GRK1: variants seen among roughly 807,000 people sequenced by gnomAD.
GRK1 encodes rhodopsin kinase GRK1.
GRK1 carries 28 observed loss-of-function variants against 41.7 expected under a neutral mutation model. That is an observed-to-expected ratio of 0.67 (90% CI 0.50 to 0.92). The LOEUF (loss-of-function observed/expected upper bound fraction) is 0.92. GRK1 is among the 40% of genes least tolerant of loss of function. The probability of loss-of-function intolerance (pLI) is 0.00; values close to 1 mark genes in which losing one functional copy is unlikely to be tolerated. For missense variants in GRK1, 703 were observed against 671.2 expected (o/e 1.05, Z -0.52); for synonymous variants, 327 against 286.7 (o/e 1.14, Z -1.42).
chr13:113,733,832 CACGT>C (rs2049969824), intron 6 of GRK1, among the ~76,000 whole-genome samples: 1 of 105,560 alleles, frequency 9.5e-6, no homozygotes, highest in African/African-American at 4.1e-5. Flanking sequence ...CGTGTGTGTG[CACGT>C]GCGTGTGCAT....
chr13:113,727,979 GAGGAGTACCCATGGCGAT>G, intron 4 of GRK1, among the ~76,000 whole-genome samples: 1 of 98,092 alleles, frequency 1.0e-5, no homozygotes, highest in East Asian at 2.9e-4. Flanking sequence ...CCATGGCGAT[GAGGAGTACCCATGGCGAT>G]GAGTACCCAT....
At chr13:113,733,956 A>G (rs1033807652) in intron 6 of GRK1, among the ~76,000 whole-genome samples, 6 of 111,458 alleles carry the variant, frequency 5.4e-5, no homozygotes, top group African/African-American at 1.8e-4. Context: ...GTGTGTGTGC[A>G]TACGTGTGTG....
At chr13:113,654,741 G>T in the GRK1 span, 1 of 1,538,864 alleles carries the variant, frequency 6.5e-7, no homozygotes. Flanking sequence ...CGGGTCCCCC[G>T]GGCGTCTCCA....
upstream of GRK1, among the ~76,000 whole-genome samples, chr13:113,663,684 T>C (rs2049801878): frequency 6.6e-6 from 1 of 152,156 alleles, no homozygotes; most frequent in Non-Finnish European, 1.5e-5. Context: ...CACGCACAGA[T>C]GGCAATGCAC....
At chr13:113,654,186 G>A in the GRK1 span, among the ~76,000 whole-genome samples, 1 of 152,256 alleles carries the variant, frequency 6.6e-6, no homozygotes, top group African/African-American at 2.4e-5. Context: ...TTGAGGCTAG[G>A]TGTTGCTGTT....
At chr13:113,651,601 G>A in the GRK1 span, 5 of 1,467,834 alleles carry the variant, frequency 3.4e-6, no homozygotes, top group Middle Eastern at 1.8e-4. Context: ...GCCGTGCCCA[G>A]CATGAACCAG....
At position 113,667,876 on chromosome 13, in the gene GRK1, G is replaced by GAGT. The variant is rs1566693206; in HGVS notation, c.492_494dup (p.Glu164_Tyr165insTer). ...ACACCTGGGCCAAGCCCCCTTCCAG[G>GAGT]AGTACCTGGGCAGCCTGTACTTCCT... On this transcript the variant is annotated stop_gained and inframe_insertion, in exon 1 of 7. Transcript: ENST00000335678. LOFTEE classifies it high-confidence loss of function. The surrounding 1 kb of genome is among the most constrained non-coding windows in gnomAD (Gnocchi z 7.5). The GAGT allele has an allele frequency of 1.3e-6, 2 of 1,592,596 alleles. No individual in the cohort carries two copies. The highest frequency in any genetic ancestry group is 1.7e-6 in the Non-Finnish European group (2 of 1,168,214).
chr13:113,723,542 G>A (rs1163302483), intron 4 of GRK1, among the ~76,000 whole-genome samples: 3 of 152,108 alleles, frequency 2.0e-5, no homozygotes, highest in Non-Finnish European at 4.4e-5. Context: ...CCAGGTCATA[G>A]GAAGATGAGA....
At position 113,735,068 on chromosome 13, in the gene GRK1, G is replaced by T; in HGVS notation, c.1397G>T (p.Gly466Val). Residue 466 changes from glycine (G) to valine (V), a missense_variant and splice_region_variant, in exon 7 of 7, where the codon GGG becomes GTG. Physicochemically the swap from Gly to Val is moderately radical, Grantham distance 109. Transcript: ENST00000335678. The stretch of plus-strand genomic sequence containing the variant: ...CGTCTGTGTTTTCTGTCTCCCACAG[G>T]GATGCTGATGCCCCCTTTCATCCCA... ...KDLNWRQLEA[G>V]MLMPPFIPDS... 6.6e-7 allele frequency: 1 copy of T among 1,510,298 alleles called. No homozygotes were observed. The highest frequency in any genetic ancestry group is 8.9e-7 in the Non-Finnish European group (1 of 1,127,420). The allele number at this position is 1,510,298 out of a possible 1,614,324, so 93.6% of individuals were successfully genotyped here. A position where few individuals can be genotyped will look rare whatever the true frequency, so the allele number is the denominator to read the frequency against.
In GRK1 at chr13:113,735,225, G is replaced by T; in HGVS notation, c.1554G>T (p.Trp518Cys). The change falls in exon 7 of 7, where the codon TGG becomes TGT. Residue 518 changes from tryptophan (W) to cysteine (C), a missense_variant. By Grantham distance (215) the Trp-to-Cys change is radical (BLOSUM62 -2). Coordinates refer to ENST00000335678, the MANE Select transcript of GRK1 (RefSeq NM_002929.3). ...CCACTGGCAACTGCCCCATCCCCTGGCAGGAGGAGATGATCGAGACGGGCA... is the reference window on the plus strand; with the variant it reads ...CCACTGGCAACTGCCCCATCCCCTGTCAGGAGGAGATGATCGAGACGGGCA... ...EFATGNCPIP[W>C]QEEMIETGIF... The T allele has an allele frequency of 6.5e-7, 1 of 1,537,184 alleles. No homozygotes were observed. The highest frequency in any genetic ancestry group is 8.7e-7 in the Non-Finnish European group (1 of 1,146,894).
intron 2 of GRK1, among the ~76,000 whole-genome samples, chr13:113,670,883 C>G (rs530721005): frequency 6.6e-6 from 1 of 151,584 alleles, no homozygotes; most frequent in Non-Finnish European, 1.5e-5. Flanking sequence ...CTAGGAAGCG[C>G]GGTCACAGGG....
the GRK1 span, among the ~76,000 whole-genome samples, chr13:113,656,404 G>A: frequency 1.3e-4 from 20 of 152,214 alleles, no homozygotes; most frequent in South Asian, 6.2e-4. Flanking sequence ...ACTCTGTGGC[G>A]AGTCTCAGCT....
the GRK1 span, among the ~76,000 whole-genome samples, chr13:113,658,514 G>C: frequency 6.6e-6 from 1 of 152,240 alleles, no homozygotes; most frequent in Admixed American, 6.5e-5. Flanking sequence ...ATTGAGGTCA[G>C]AGCAGAGCCG....
At position 113,667,435 on chromosome 13, in the gene GRK1, G is replaced by A. The variant is rs1392238781; in HGVS notation, c.49G>A (p.Ala17Thr). The A allele has an allele frequency of 5.6e-6, 9 of 1,603,804 alleles. No individual in the cohort carries two copies. Among genetic ancestry groups the A allele is most frequent in the African/African-American group, 2.7e-5 (2 of 74,746 alleles). Residue 17 changes from alanine to threonine, a missense_variant, in exon 1 of 7, where the codon GCC becomes ACC. By Grantham distance (58) the Ala-to-Thr change is moderately conservative (BLOSUM62 0). Coordinates refer to ENST00000335678, the MANE Select transcript of GRK1 (RefSeq NM_002929.3). The surrounding 1 kb of genome is among the most constrained non-coding windows in gnomAD (Gnocchi z 7.5). ...ETVVANSAFI[A>T]ARGSFDGSSS... is the part of the protein sequence containing the mutation. ...CGTGGTGGCCAACTCTGCCTTCATC[G>A]CCGCCCGAGGCAGCTTTGACGGCAG...
At chr13:113,653,078 G>C in the GRK1 span, 1 of 1,605,334 alleles carries the variant, frequency 6.2e-7, no homozygotes. Flanking sequence ...GTAGCCTGCA[G>C]ACGGACGCAC....
At chr13:113,732,521 A>G (rs1269819316) in intron 5 of GRK1, among the ~76,000 whole-genome samples, 1 of 152,220 alleles carries the variant, frequency 6.6e-6, no homozygotes, top group Non-Finnish European at 1.5e-5. Context: ...TGAAGACAAC[A>G]GAGCCACCGA....
the GRK1 span, chr13:113,652,808 G>A: frequency 6.4e-7 from 1 of 1,560,518 alleles, no homozygotes; most frequent in Non-Finnish European, 8.8e-7. Flanking sequence ...CCTCGTGGTG[G>A]GTGTGGGTGA....
chr13:113,733,991 T>TGTGTGG (rs879290691), intron 6 of GRK1, among the ~76,000 whole-genome samples: 1 of 140,298 alleles, frequency 7.1e-6, no homozygotes, highest in African/African-American at 2.9e-5. Context: ...TGTGTGTGCA[T>TGTGTGG]ACATGTGTGT....
At chr13:113,654,927 T>C in the GRK1 span, 1 of 1,614,128 alleles carries the variant, frequency 6.2e-7, no homozygotes, top group Non-Finnish European at 8.5e-7. Context: ...GGCCACGTAG[T>C]ACAGGCTGAT....
Sources: allele counts gnomAD v4.1 joint callset (sites outside exome capture counted in the v4.1 genomes callset), GRCh38; gene constraint gnomAD v4.1.1; non-coding constraint Gnocchi (gnomAD v3.1); transcripts MANE v1.5; gene names NCBI Gene and HGNC (gene_info 2026-07-23, HGNC 2026-07-21).